The following LDLRAD1 variants were observed in gnomAD, a reference collection of about 807,000 sequenced individuals.
LDLRAD1 encodes low density lipoprotein receptor class A domain containing 1, also known as low-density lipoprotein receptor class A domain-containing protein 1.
A neutral mutation model predicts 24.8 loss-of-function variants in LDLRAD1; 17 were observed. The observed-to-expected ratio is 0.69, with a 90% CI of 0.47 to 1.03. The LOEUF (loss-of-function observed/expected upper bound fraction) is 1.03, where lower values mean the gene tolerates loss of function less well. Ranked by LOEUF, LDLRAD1 falls within the 50% of genes least tolerant of loss-of-function variation. The probability of loss-of-function intolerance (pLI) is 0.00; values close to 1 mark genes in which losing one functional copy is unlikely to be tolerated. For missense variants in LDLRAD1, 277 were observed against 271.0 expected, an observed-to-expected ratio of 1.02 and a Z score of -0.16; for synonymous variants, 103 against 108.2, an observed-to-expected ratio of 0.95 and a Z score of 0.30.
rs765419314 is a variant in LDLRAD1, at chr1:54,012,252, G to C, written c.231C>G (p.Asn77Lys). 22 of 1,614,028 alleles carry C rather than the reference G, an allele frequency of 1.4e-5. No homozygotes were observed. Among genetic ancestry groups the C allele is most frequent in the Middle Eastern group, 3.3e-4 (2 of 6,082 alleles). Residue 77 changes from asparagine (N) to lysine (K), a missense_variant, in exon 4 of 6, where the codon AAC becomes AAG. Transcript: ENST00000371360. ...GGTCATGGCACAAGAAGCCTGTCCTGTTTGTCAGTGTTATACAAGCTTGGG... is the reference window on the plus strand; with the variant it reads ...GGTCATGGCACAAGAAGCCTGTCCTCTTTGTCAGTGTTATACAAGCTTGGG... ...PGAQACITLT[N>K]RTGFLCHDQR... is the part of the protein sequence containing the mutation.
At chr1:54,011,258 A>G (rs72664117) in intron 4 of LDLRAD1, among the ~76,000 whole-genome samples, 52,352 of 151,988 alleles carry the variant, frequency 0.34, 10,073 homozygotes, top group East Asian at 0.53. Flanking sequence ...AGTGTGGTCT[A>G]TCGGGGCAGG....
In LDLRAD1 at chr1:54,010,305, T is replaced by A; in HGVS notation, c.446A>T (p.Asp149Val). The part of the protein sequence containing the change: ...QKCDGTNNCG[D>V]CSDELSPVTV... ...ACCTGGGCTCAGTTCATCTGAACAGTCCCCGCAGTTGTTAGTGCCATCACA... is the reference window on the plus strand; with the variant it reads ...ACCTGGGCTCAGTTCATCTGAACAGACCCCGCAGTTGTTAGTGCCATCACA... The change falls in exon 5 of 6, where the codon GAC becomes GTC. Residue 149 changes from aspartate (D) to valine (V), a missense_variant. Transcript: ENST00000371360. The A allele has an allele frequency of 6.2e-7, 1 of 1,614,002 alleles. No individual in the cohort carries two copies. The highest frequency in any genetic ancestry group is 8.5e-7 in the Non-Finnish European group (1 of 1,179,982).
At chr1:54,013,138 T>TCA (rs371250296) in intron 3 of LDLRAD1, among the ~76,000 whole-genome samples, 2 of 151,870 alleles carry the variant, frequency 1.3e-5, no homozygotes, top group Non-Finnish European at 2.9e-5. Flanking sequence ...GAACACATGC[T>TCA]CACACACACA....
At chr1:54,015,977 A>C (rs1336508413) in intron 2 of LDLRAD1, among the ~76,000 whole-genome samples, 1 of 152,114 alleles carries the variant, frequency 6.6e-6, no homozygotes, top group African/African-American at 2.4e-5. Flanking sequence ...ACACTCTGTG[A>C]ATATGCCGAC....
chr1:54,017,166 G>A (rs557930940), intron 2 of LDLRAD1, among the ~76,000 whole-genome samples: 2 of 152,352 alleles, frequency 1.3e-5, no homozygotes, highest in Admixed American at 1.3e-4. Flanking sequence ...GGTGCTTAAT[G>A]AATGCATGTG....
At chr1:54,010,187 T>A (rs1187532540) in intron 5 of LDLRAD1, 95 bp downstream of exon 5, 2 of 1,428,028 alleles carry the variant, frequency 1.4e-6, no homozygotes, top group African/African-American at 1.4e-5. Context: ...CAGGGAAGCA[T>A]GCAAGGGGGA....
Position 54,012,249 on chromosome 1 carries a change from C to T in LDLRAD1, c.234G>A (p.Arg78=), listed in dbSNP as rs1656090913. ...GAQACITLTN[R]TGFLCHDQRS... ...TCTGGTCATGGCACAAGAAGCCTGT[C>T]CTGTTTGTCAGTGTTATACAAGCTT... The change falls in exon 4 of 6, where the codon AGG becomes AGA. Residue 78 remains arginine, a synonymous_variant. Transcript: ENST00000371360. The T allele has an allele frequency of 1.9e-6, 3 of 1,614,004 alleles. No homozygotes were observed. Among genetic ancestry groups the T allele is most frequent in the African/African-American group, 1.3e-5 (1 of 74,920 alleles).
intron 5 of LDLRAD1, 81 bp from the exon 6 acceptor site, chr1:54,009,211 A>G: frequency 7.3e-7 from 1 of 1,374,762 alleles, no homozygotes; most frequent in East Asian, 2.3e-5. Flanking sequence ...TAGTTCTGAA[A>G]CCTGCCGTAG....
intron 3 of LDLRAD1, among the ~76,000 whole-genome samples, chr1:54,012,695 G>C (rs540384956): frequency 6.6e-6 from 1 of 152,302 alleles, no homozygotes; most frequent in South Asian, 2.1e-4. Context: ...TGGAGCTCCT[G>C]GTACCAGGTT....
chr1:54,015,662 T>G lies in LDLRAD1; in HGVS notation c.74-1298A>C, dbSNP rs573927025. On this transcript the variant is annotated intron_variant, in intron 2 of 5. Coordinates refer to ENST00000371360, the MANE Select transcript of LDLRAD1 (RefSeq NM_001010978.4). ...GGGCTTTTGTTTTTTTTGTTTTTTTTGTTTTTTTTTTGAGGCGGAGTCTTG... is the reference window on the plus strand; with the variant it reads ...GGGCTTTTGTTTTTTTTGTTTTTTTGGTTTTTTTTTTGAGGCGGAGTCTTG... 6.9e-5 allele frequency among the ~76,000 whole-genome samples: 10 copies of G among 144,684 alleles called. 1 individual carries two copies. Among genetic ancestry groups the G allele is most frequent in the African/African-American group, 2.5e-4 (10 of 39,406 alleles). 94.9% of individuals were successfully genotyped at this position (144,684 alleles called of 152,430 possible).
rs202234131 is a variant in LDLRAD1 at position 54,010,387 on chromosome 1, G to T, written c.364C>A (p.His122Asn). ...TCTCCACAGTGGGCCACAAGGAAGTGGGGGAGGCTCTGGGGCACATCTCCT... is the reference window on the plus strand; with the variant it reads ...TCTCCACAGTGGGCCACAAGGAAGTTGGGGAGGCTCTGGGGCACATCTCCT... ...LCRDVPQSLP[H>N]FLVAHCGDPA... Residue 122 changes from histidine to asparagine, a missense_variant, in exon 5 of 6, where the codon CAC (histidine) becomes AAC (asparagine). By Grantham distance (68) the His-to-Asn change is moderately conservative. Transcript: ENST00000371360. The T allele has an allele frequency of 3.1e-4, 502 of 1,613,890 alleles. 4 individuals carry two copies. Among genetic ancestry groups the T allele is most frequent in the African/African-American group, 1.6e-4 (12 of 74,898 alleles).
chr1:54,015,321 A>G (rs1361097390), intron 2 of LDLRAD1, among the ~76,000 whole-genome samples: 1 of 152,186 alleles, frequency 6.6e-6, no homozygotes, highest in Non-Finnish European at 1.5e-5. Flanking sequence ...TCTAAGCACT[A>G]TGGAGATAGC....
At chr1:54,018,040 C>T in intron 1 of LDLRAD1, 52 bp downstream of exon 1, 2 of 1,506,908 alleles carry the variant, frequency 1.3e-6, no homozygotes, top group Admixed American at 1.7e-5. Context: ...ACAGCTCTCA[C>T]TTGGGGACAG....
intron 1 of LDLRAD1, among the ~76,000 whole-genome samples, 168 bp downstream of exon 1, chr1:54,017,924 C>T (rs1463649384): frequency 2.0e-5 from 3 of 152,140 alleles, no homozygotes; most frequent in Non-Finnish European, 4.4e-5. Context: ...ACTCCTCATC[C>T]CAAGGTTTGC....
At chr1:54,014,202 C>T (rs763064501) in intron 3 of LDLRAD1, 34 bp downstream of exon 3, 30 of 1,567,222 alleles carry the variant, frequency 1.9e-5, no homozygotes, top group East Asian at 1.4e-4. Context: ...CCCTCCCCGC[C>T]GGGTCTGACC....
intron 2 of LDLRAD1, among the ~76,000 whole-genome samples, chr1:54,016,604 G>T (rs534434371): frequency 6.6e-6 from 1 of 152,240 alleles, no homozygotes; most frequent in Non-Finnish European, 1.5e-5. Flanking sequence ...ACAAACACCA[G>T]CTCGGAGCAA....
rs751292935 is a variant in LDLRAD1, at chr1:54,010,382, G to A, written c.369C>T (p.Phe123=). 14 of 1,614,102 alleles carry A rather than the reference G, an allele frequency of 8.7e-6. No individual in the cohort carries two copies. In the South Asian group the frequency reaches 1.4e-4, roughly 16 times the overall value. Residue 123 remains phenylalanine, a synonymous_variant, in exon 5 of 6, where the codon TTC becomes TTT. Transcript: ENST00000371360. ...CCGGGTCTCCACAGTGGGCCACAAGGAAGTGGGGGAGGCTCTGGGGCACAT... is the reference window on the plus strand; with the variant it reads ...CCGGGTCTCCACAGTGGGCCACAAGAAAGTGGGGGAGGCTCTGGGGCACAT... ...CRDVPQSLPH[F]LVAHCGDPAS...
chr1:54,011,421 T>C (rs1231512278), intron 4 of LDLRAD1, among the ~76,000 whole-genome samples: 4 of 152,080 alleles, frequency 2.6e-5, no homozygotes, highest in Non-Finnish European at 5.9e-5. Context: ...TCGGTTGGGC[T>C]TGCTAGAGAG....
rs764132128 is a variant in LDLRAD1, at chr1:54,010,380, A to C, written c.371T>G (p.Leu124Arg). The stretch of plus-strand genomic sequence containing the variant: ...GGCCGGGTCTCCACAGTGGGCCACA[A>C]GGAAGTGGGGGAGGCTCTGGGGCAC... ...RDVPQSLPHFLVAHCGDPASW... is the reference protein window; with the variant it reads ...RDVPQSLPHFRVAHCGDPASW... The change falls in exon 5 of 6, where the codon CTT becomes CGT. Residue 124 changes from leucine (L) to arginine (R), a missense_variant. Transcript: ENST00000371360. 1.9e-6 allele frequency: 3 copies of C among 1,614,044 alleles called. No homozygotes were observed. Among genetic ancestry groups the C allele is most frequent in the South Asian group, 2.2e-5 (2 of 91,070 alleles).
Sources: allele counts gnomAD v4.1 joint callset (sites outside exome capture counted in the v4.1 genomes callset), GRCh38; gene constraint gnomAD v4.1.1; transcripts MANE v1.5; gene names NCBI Gene and HGNC (gene_info 2026-07-23, HGNC 2026-07-21).